Variants in OLFML2B observed in about 807,000 individuals in gnomAD.
The protein encoded by OLFML2B is olfactomedin-like protein 2B.
Under a neutral mutation model 74.9 loss-of-function variants are expected in OLFML2B, and 57 were observed. The observed-to-expected ratio is 0.76, with a 90% CI of 0.61 to 0.95. OLFML2B has a LOEUF of 0.95. Ranked by LOEUF, OLFML2B falls within the 40% of genes least tolerant of loss-of-function variation. The pLI is 0.00. For synonymous variants in OLFML2B, 388 were observed against 405.8 expected, an observed-to-expected ratio of 0.96 and a Z score of 0.53; for missense variants, 986 against 970.6, an observed-to-expected ratio of 1.02 and a Z score of -0.21.
intron 3 of OLFML2B, among the ~76,000 whole-genome samples, chr1:162,014,756 G>T (rs1171374042): frequency 6.6e-6 from 1 of 152,162 alleles, no homozygotes; most frequent in Non-Finnish European, 1.5e-5. Context: ...GAAGACTACT[G>T]TCACACTTCA....
At chr1:162,016,540 A>G (rs1180477130) in intron 3 of OLFML2B, among the ~76,000 whole-genome samples, 1 of 152,274 alleles carries the variant, frequency 6.6e-6, no homozygotes, top group African/African-American at 2.4e-5. Context: ...TAAACATTAA[A>G]GAAATAGATT....
At chr1:161,998,940 T>C (rs1690005954) in intron 5 of OLFML2B, among the ~76,000 whole-genome samples, 2 of 152,110 alleles carry the variant, frequency 1.3e-5, no homozygotes, top group South Asian at 4.2e-4. Flanking sequence ...TGAGCAGCCA[T>C]CGGGCACAAA....
chr1:161,998,172 G>A lies in OLFML2B; in HGVS notation c.1127C>T (p.Pro376Leu). Residue 376 changes from proline (P) to leucine (L), a missense_variant, in exon 6 of 8, where the codon CCA becomes CTA. Transcript: ENST00000294794. ...GCTGGGATCTGAGGTCGAGGGCTGT[G>A]GCAGTGCTGAGGACCAGGGTGCGGT... ...ARTAPWSSAL[P>L]QPSTSDPSIA... 1 of 1,614,098 alleles carries A rather than the reference G, an allele frequency of 6.2e-7. No homozygotes were observed. Among genetic ancestry groups the A allele is most frequent in the Non-Finnish European group, 8.5e-7 (1 of 1,180,040 alleles).
chr1:162,023,513 G>A lies in OLFML2B; in HGVS notation c.-83C>T. 1 of 1,332,892 alleles carries A rather than the reference G, an allele frequency of 7.5e-7. No homozygotes were observed. 82.6% of individuals were successfully genotyped at this position (1,332,892 alleles called of 1,614,324 possible). A position where few individuals can be genotyped will look rare whatever the true frequency, so the allele number is the denominator to read the frequency against. ...TCGGCAAGGACTTCTGCGAGAGGGTGTCCTCGCTAGAGCCCGAAAGTGGCT... is the reference window on the plus strand; with the variant it reads ...TCGGCAAGGACTTCTGCGAGAGGGTATCCTCGCTAGAGCCCGAAAGTGGCT... On this transcript the variant is annotated 5_prime_UTR_variant, in exon 1 of 8. Transcript: ENST00000294794.
chr1:161,995,948 C>T (rs764580926), intron 6 of OLFML2B, among the ~76,000 whole-genome samples: 1 of 152,192 alleles, frequency 6.6e-6, no homozygotes, highest in African/African-American at 2.4e-5. Context: ...AAAGGCCAGG[C>T]TGCCCAGAGC....
At chr1:161,997,106 A>G (rs1689932182) in intron 6 of OLFML2B, among the ~76,000 whole-genome samples, 1 of 152,186 alleles carries the variant, frequency 6.6e-6, no homozygotes, top group Admixed American at 6.5e-5. Context: ...GCAGTGAGCC[A>G]AGATTGCACC....
At chr1:161,998,501 A>G in intron 5 of OLFML2B, 152 bp from the exon 6 acceptor site, 2 of 797,590 alleles carry the variant, frequency 2.5e-6, no homozygotes, top group South Asian at 1.9e-5. Context: ...ATTTTGGAAG[A>G]AGGTGTACAG....
chr1:162,015,905 A>G (rs1213963210), intron 3 of OLFML2B, among the ~76,000 whole-genome samples: 1 of 152,228 alleles, frequency 6.6e-6, no homozygotes, highest in East Asian at 1.9e-4. Context: ...CTCAGGATCC[A>G]AAACCCTGAC....
chr1:161,999,381 A>G (rs1690019127), intron 5 of OLFML2B, among the ~76,000 whole-genome samples: 1 of 152,060 alleles, frequency 6.6e-6, no homozygotes, highest in South Asian at 2.1e-4. Context: ...CACAAAAAAA[A>G]TGACCAAAAA....
Position 162,000,335 on chromosome 1 carries a change from C to T in OLFML2B, c.727G>A (p.Glu243Lys). ...AAAAYAHPEY[E>K]ERFLQEETVS... ...GTTTCTTCCTGCAGAAACCGCTCTT[C>T]ATACTGCTCCTCAGAGGGGACACAA... Residue 243 changes from glutamate to lysine, a missense_variant, in exon 5 of 8, where the codon GAA becomes AAA. Glu to Lys is a moderately conservative substitution (Grantham distance 56). Coordinates refer to ENST00000294794, the MANE Select transcript of OLFML2B (RefSeq NM_015441.3). The T allele has an allele frequency of 6.2e-7, 1 of 1,611,692 alleles. No individual in the cohort carries two copies. Among genetic ancestry groups the T allele is most frequent in the Non-Finnish European group, 8.5e-7 (1 of 1,179,786 alleles).
chr1:162,020,114 C>T lies in OLFML2B; in HGVS notation c.243G>A (p.Val81=), dbSNP rs745841851. The change falls in exon 2 of 8, where the codon GTG becomes GTA. Residue 81 remains valine (V), a synonymous_variant. Transcript: ENST00000294794. The stretch of plus-strand genomic sequence containing the variant: ...GGCAGGCATCCCGGCCCAGGGGTCT[C>T]ACCACACACTTGCACTGACAGTCCG... ...EGSDCQCKCV[V]RPLGRDACQR... 6.2e-7 allele frequency: 1 copy of T among 1,614,082 alleles called. No homozygotes were observed. The highest frequency in any genetic ancestry group is 2.2e-5 in the East Asian group (1 of 44,894).
chr1:162,009,458 C>T (rs1690315924), intron 3 of OLFML2B, among the ~76,000 whole-genome samples: 1 of 152,214 alleles, frequency 6.6e-6, no homozygotes, highest in African/African-American at 2.4e-5. Flanking sequence ...GGTGCCCCCC[C>T]AACCCCGGTC....
At chr1:162,000,410 G>A in intron 4 of OLFML2B, 72 bp from the exon 5 acceptor site, 2 of 1,296,418 alleles carry the variant, frequency 1.5e-6, no homozygotes, top group East Asian at 4.9e-5. Flanking sequence ...TGGGGGCAAG[G>A]CTGGAGCCAA....
Position 162,000,251 on chromosome 1 carries a change from C to G in OLFML2B, c.811G>C (p.Glu271Gln). 1 of 1,613,860 alleles carries G rather than the reference C, an allele frequency of 6.2e-7. No homozygotes were observed. Among genetic ancestry groups the G allele is most frequent in the Non-Finnish European group, 8.5e-7 (1 of 1,180,040 alleles). ...LLQTRPLALP[E>Q]VVKSQRPLQR... The stretch of plus-strand genomic sequence containing the variant: ...AGGGGCCGCTGTGACTTCACCACCT[C>G]AGGCAGAGCCAGGGGTCGCGTCTGC... Residue 271 changes from glutamate (E) to glutamine (Q), a missense_variant, in exon 5 of 8, where the codon GAG (glutamate) becomes CAG (glutamine). By Grantham distance (29) the Glu-to-Gln change is conservative. Coordinates refer to ENST00000294794, the MANE Select transcript of OLFML2B (RefSeq NM_015441.3).
Position 162,023,237 on chromosome 1 carries a change from C to A in OLFML2B, c.174+20G>T. On this transcript the variant is annotated intron_variant, in intron 1 of 7. Transcript: ENST00000294794. ...CACCATCCAGGGCAAGAAGGGCGGT[C>A]GTGGCACTCTGCATCCTACCTGAGA... is the stretch of plus-strand genomic sequence containing the variant. The A allele has an allele frequency of 2.0e-6, 3 of 1,486,472 alleles. No individual in the cohort carries two copies. The highest frequency in any genetic ancestry group is 1.8e-4 in the Middle Eastern group (1 of 5,526). The allele number at this position is 1,486,472 out of a possible 1,614,324, so 92.1% of individuals were successfully genotyped here.
intron 1 of OLFML2B, among the ~76,000 whole-genome samples, chr1:162,020,549 C>A (rs578072178): frequency 1.3e-5 from 2 of 149,830 alleles, no homozygotes; most frequent in Non-Finnish European, 3.0e-5. Context: ...TTTTTTGAGA[C>A]AGAGTCTCAC....
At chr1:162,020,260 T>C in intron 1 of OLFML2B, 78 bp from the exon 2 acceptor site, 2 of 1,541,990 alleles carry the variant, frequency 1.3e-6, no homozygotes, top group Non-Finnish European at 1.8e-6. Context: ...CTCCATTTAC[T>C]TAGTCAAATG....
Position 162,000,210 on chromosome 1 carries a change from G to A in OLFML2B, c.852C>T (p.His284=). The A allele has an allele frequency of 6.2e-7, 1 of 1,613,896 alleles. No homozygotes were observed. Among genetic ancestry groups the A allele is most frequent in the Non-Finnish European group, 8.5e-7 (1 of 1,179,988 alleles). ...GCTGGGAGGCCGGCCGGCCTCTCAG[G>A]TGGACCTGCCTCTGCAGGGGCCGCT... ...KSQRPLQRQV[H]LRGRPASQPT... The change falls in exon 5 of 8, where the codon CAC becomes CAT. Residue 284 remains histidine (H), a synonymous_variant. Transcript: ENST00000294794.
chr1:161,997,610 T>C (rs1366851798), intron 6 of OLFML2B, among the ~76,000 whole-genome samples: 1 of 152,188 alleles, frequency 6.6e-6, no homozygotes, highest in Non-Finnish European at 1.5e-5. Flanking sequence ...ATATGTCTAT[T>C]TTAGGAAAAA....
Sources: allele counts gnomAD v4.1 joint callset (sites outside exome capture counted in the v4.1 genomes callset), GRCh38; gene constraint gnomAD v4.1.1; transcripts MANE v1.5; gene names NCBI Gene and HGNC (gene_info 2026-07-23, HGNC 2026-07-21).